MAN1A1: variants seen among roughly 807,000 people sequenced by gnomAD.
MAN1A1 encodes mannosyl-oligosaccharide 1,2-alpha-mannosidase IA.
In MAN1A1, 29 loss-of-function variants were observed where a neutral mutation model predicts 70.8. That is an observed-to-expected ratio of 0.41 (90% CI 0.31 to 0.56). The LOEUF (loss-of-function observed/expected upper bound fraction) is 0.56. MAN1A1 is among the 20% of genes least tolerant of loss of function. The probability of loss-of-function intolerance (pLI) is 0.29; values close to 1 mark genes in which losing one functional copy is unlikely to be tolerated. For missense variants in MAN1A1, 747 were observed against 841.3 expected (o/e 0.89, Z 1.39); for synonymous variants, 349 against 330.1 (o/e 1.06, Z -0.62).
At chr6:119,230,904 G>C (rs1774658097) in intron 6 of MAN1A1, among the ~76,000 whole-genome samples, 1 of 152,176 alleles carries the variant, frequency 6.6e-6, no homozygotes, top group Admixed American at 6.5e-5. Context: ...ACTGGCAATG[G>C]GAAACCAAGT....
intron 5 of MAN1A1, among the ~76,000 whole-genome samples, chr6:119,252,609 T>C (rs1247818181): frequency 2.0e-5 from 3 of 151,992 alleles, no homozygotes; most frequent in Non-Finnish European, 4.4e-5. Flanking sequence ...CTGGCCAACA[T>C]GGTGAAACCC....
Position 119,305,677 on chromosome 6 carries a change from C to G in MAN1A1, c.700+1219G>C, listed in dbSNP as rs765315755. On this transcript the variant is annotated intron_variant, in intron 3 of 12. Transcript: ENST00000368468. Reference sequence around the variant, plus strand: ...GCCTTTCTCCCAACCTGAGGTCCTACTGGTTCCTCAGAATTTCATGGAAGT... The same window carrying G: ...GCCTTTCTCCCAACCTGAGGTCCTAGTGGTTCCTCAGAATTTCATGGAAGT... Among the ~76,000 whole-genome samples, 43 of 152,280 alleles carry G rather than the reference C, an allele frequency of 2.8e-4. 1 individual carries two copies. The highest frequency in any genetic ancestry group is 6.8e-3 in the Middle Eastern group (2 of 294).
chr6:119,195,031 C>T (rs1036837149), intron 8 of MAN1A1, among the ~76,000 whole-genome samples: 1 of 151,928 alleles, frequency 6.6e-6, no homozygotes, highest in Non-Finnish European at 1.5e-5. Context: ...CGGGGTTTCA[C>T]CATGTTGGCC....
At chr6:119,331,912 G>A (rs1773327429) in intron 2 of MAN1A1, 1 of 499,924 alleles carries the variant, frequency 2.0e-6, no homozygotes, top group African/African-American at 1.9e-5. Context: ...ACAAGAAGAG[G>A]GTGGGGGCAG....
chr6:119,240,598 A>G (rs2114305348), intron 6 of MAN1A1, among the ~76,000 whole-genome samples: 1 of 152,308 alleles, frequency 6.6e-6, no homozygotes, highest in South Asian at 2.1e-4. Context: ...TTCAATTATG[A>G]CCAGAGAAGT....
Position 119,189,770 on chromosome 6 carries a change from G to GC in MAN1A1, c.1439dup (p.Met481HisfsTer7). ...CTGCATCAGCCCCGAGTGCGAACAT[G>GC]CCCCCCGCGAAGCAGGTCAGGTGGC... On this transcript the variant is annotated frameshift_variant, in exon 10 of 13. Transcript: ENST00000368468. LOFTEE classifies it high-confidence loss of function. The GC allele has an allele frequency of 6.2e-7, 1 of 1,614,058 alleles. No homozygotes were observed. The highest frequency in any genetic ancestry group is 8.5e-7 in the Non-Finnish European group (1 of 1,179,988).
In MAN1A1 at chr6:119,248,302, T is replaced by C. The variant is rs1023830483; in HGVS notation, c.950A>G (p.His317Arg). 11 of 1,613,592 alleles carry C rather than the reference T, an allele frequency of 6.8e-6. No individual in the cohort carries two copies. Among genetic ancestry groups the C allele is most frequent in the Non-Finnish European group, 7.6e-6 (9 of 1,179,652 alleles). The change falls in exon 6 of 13, where the codon CAT becomes CGT. Residue 317 changes from histidine to arginine, a missense_variant. By Grantham distance (29) the His-to-Arg change is conservative. Around this residue, in one of 2 missense-constraint regions of MAN1A1, gnomAD observed 419 missense variants for 548.2 expected, o/e 0.76. Transcript: ENST00000368468. ...ELGVKLLPAF[H>R]TPSGIPWALL... The stretch of plus-strand genomic sequence containing the variant: ...TGCCCAAGGTATTCCAGAGGGAGTA[T>C]GAAATGCAGGTAGCAATTTTACCCC...
At position 119,286,321 on chromosome 6, in the gene MAN1A1, G is replaced by A. The variant is rs562021542; in HGVS notation, c.897+4362C>T. ...TCAATTTCTAACCCCCAAATACTCC[G>A]AATGTCTTAACCCTATTATGAAAAA... is the stretch of plus-strand genomic sequence containing the variant. On this transcript the variant is annotated intron_variant, in intron 5 of 12. Coordinates refer to ENST00000368468, the MANE Select transcript of MAN1A1 (RefSeq NM_005907.4). Among the ~76,000 whole-genome samples the A allele has an allele frequency of 6.6e-5, 10 of 152,108 alleles. No individual in the cohort carries two copies. In the East Asian group the frequency reaches 1.7e-3, roughly 26 times the overall value.
chr6:119,249,949 C>A (rs968037261), intron 5 of MAN1A1, among the ~76,000 whole-genome samples: 2 of 151,864 alleles, frequency 1.3e-5, no homozygotes, highest in East Asian at 3.9e-4. Flanking sequence ...TCCTTGTATA[C>A]AAATAAGGAA....
At chr6:119,194,752 C>T (rs576867262) in intron 8 of MAN1A1, among the ~76,000 whole-genome samples, 1 of 152,192 alleles carries the variant, frequency 6.6e-6, no homozygotes, top group South Asian at 2.1e-4. Flanking sequence ...TCCTATAGTC[C>T]ACCTTCACTG....
chr6:119,329,656 C>T (rs1206325446), intron 2 of MAN1A1, among the ~76,000 whole-genome samples: 1 of 152,216 alleles, frequency 6.6e-6, no homozygotes, highest in African/African-American at 2.4e-5. Context: ...AGGGGGCCAG[C>T]TGCCGGCTCC....
intron 6 of MAN1A1, among the ~76,000 whole-genome samples, chr6:119,228,138 G>A (rs1774571484): frequency 6.6e-6 from 1 of 152,072 alleles, no homozygotes; most frequent in Non-Finnish European, 1.5e-5. Context: ...CTTGTGAAAG[G>A]GATATGGTTC....
intron 6 of MAN1A1, among the ~76,000 whole-genome samples, chr6:119,229,944 C>T (rs115610031): frequency 6.6e-6 from 1 of 152,220 alleles, no homozygotes; most frequent in African/African-American, 2.4e-5. Context: ...GTGAACAGAA[C>T]TAAAAAATAC....
At chr6:119,256,059 C>T (rs926826071) in intron 5 of MAN1A1, among the ~76,000 whole-genome samples, 3 of 152,078 alleles carry the variant, frequency 2.0e-5, no homozygotes, top group Admixed American at 6.6e-5. Context: ...AATATTAAAG[C>T]ACAGAGATCT....
chr6:119,343,910 C>T (rs1773662388), intron 2 of MAN1A1, among the ~76,000 whole-genome samples: 1 of 152,190 alleles, frequency 6.6e-6, no homozygotes, highest in Non-Finnish European at 1.5e-5. Context: ...GTGTATTCAG[C>T]CCTCATCCCT....
At chr6:119,213,266 T>C (rs1774101880) in intron 6 of MAN1A1, among the ~76,000 whole-genome samples, 1 of 152,186 alleles carries the variant, frequency 6.6e-6, no homozygotes, top group African/African-American at 2.4e-5. Flanking sequence ...GATTCAGAGA[T>C]TACTCTCAAA....
At chr6:119,348,176 G>A (rs1013887484) in intron 2 of MAN1A1, among the ~76,000 whole-genome samples, 7 of 152,182 alleles carry the variant, frequency 4.6e-5, no homozygotes, top group African/African-American at 1.7e-4. Flanking sequence ...TGAGGTTTGC[G>A]TATTACCTGC....
chr6:119,329,064 CTTCT>C (rs1472839661), intron 2 of MAN1A1, among the ~76,000 whole-genome samples: 2 of 152,188 alleles, frequency 1.3e-5, no homozygotes, highest in African/African-American at 2.4e-5. Context: ...AGGCAATCCT[CTTCT>C]TTCTGTCACT....
rs748352677 is a variant in MAN1A1, at chr6:119,348,892, C to A, written c.174G>T (p.Ala58=). 4 of 1,535,120 alleles carry A rather than the reference C, an allele frequency of 2.6e-6. No homozygotes were observed. Among genetic ancestry groups the A allele is most frequent in the Non-Finnish European group, 3.5e-6 (4 of 1,142,426 alleles). The change falls in exon 2 of 13, where the codon GCG becomes GCT. Residue 58 remains alanine, a synonymous_variant. Coordinates refer to ENST00000368468, the MANE Select transcript of MAN1A1 (RefSeq NM_005907.4). ...FSAFITLCFG[A]IFFLPDSSKL... ...TGGAGGAGTCTGGCAGGAAGAAGAT[C>A]GCCCCGAAGCAGAGCGTGATGAAGG...
Sources: gnomAD v4.1 joint callset for allele counts (sites outside exome capture counted in the v4.1 genomes callset) on GRCh38, gnomAD v4.1.1 for gene constraint, gnomAD v4.1.1 regional missense constraint, MANE v1.5 for transcripts, NCBI Gene and HGNC (gene_info 2026-07-23, HGNC 2026-07-21) for gene names.